The following KLK10 variants were observed in gnomAD, a reference collection of about 807,000 sequenced individuals.
KLK10 encodes the protein kallikrein related peptidase 10.
Under a neutral mutation model 25.7 loss-of-function variants are expected in KLK10, and 27 were observed. That is an observed-to-expected ratio of 1.05 (90% CI 0.77 to 1.45). The LOEUF is 1.45. Ranked by LOEUF, KLK10 falls within the 40% of genes most tolerant of loss-of-function variation. The pLI, the probability that KLK10 is intolerant of heterozygous loss-of-function variation, is 0.00. For synonymous variants in KLK10, 173 were observed against 160.1 expected (o/e 1.08, Z -0.61); for missense variants, 386 against 370.0 (o/e 1.04, Z -0.35).
Position 51,014,793 on chromosome 19 carries a change from A to G in KLK10, c.*7T>C. The G allele has an allele frequency of 6.3e-7, 1 of 1,575,954 alleles. No homozygotes were observed. Among genetic ancestry groups the G allele is most frequent in the South Asian group, 1.1e-5 (1 of 87,378 alleles). On this transcript the variant is annotated 3_prime_UTR_variant, in exon 6 of 6. Transcript: ENST00000358789. ...ACATCTGGATCAGCTGGAGCGTAGC[A>G]TCTGGATCAGTTGGAGCGTATGACT...
Position 51,019,108 on chromosome 19 carries a change from A to G in KLK10, c.23T>C (p.Leu8Pro), listed in dbSNP as rs777812284. 6.2e-7 allele frequency: 1 copy of G among 1,609,116 alleles called. No individual in the cohort carries two copies. Among genetic ancestry groups the G allele is most frequent in the Non-Finnish European group, 8.5e-7 (1 of 1,179,380 alleles). Residue 8 changes from leucine to proline, a missense_variant, in exon 2 of 6, where the codon CTC becomes CCC. Leu to Pro is a moderately conservative substitution (Grantham distance 98). Coordinates refer to ENST00000358789, the MANE Select transcript of KLK10 (RefSeq NM_145888.3). The surrounding 1 kb of genome is among the most constrained non-coding windows in gnomAD (Gnocchi z 4.2). ...AGCCCGGGCGCCAGAGGCGGCGGAG[A>G]GGTGGAGGTGCGGAGCTCTCATGGC... is the stretch of plus-strand genomic sequence containing the variant. The part of the protein sequence containing the change: MRAPHLH[L>P]SAASGARALA...
At position 51,014,826 on chromosome 19, in the gene KLK10, T is replaced by C; in HGVS notation, c.805A>G (p.Ile269Val). The C allele has an allele frequency of 6.2e-7, 1 of 1,614,086 alleles. No individual in the cohort carries two copies. Among genetic ancestry groups the C allele is most frequent in the African/African-American group, 1.3e-5 (1 of 75,022 alleles). ...YTQICKYMSW[I>V]NKVIRSN ...CAGTTGGAGCGTATGACTTTATTGA[T>C]CCAGGACATGTATTTGCAGATCTGG... Residue 269 changes from isoleucine (I) to valine (V), a missense_variant, in exon 6 of 6, where the codon ATC (isoleucine) becomes GTC (valine). By Grantham distance (29) the Ile-to-Val change is conservative. Transcript: ENST00000358789.
At position 51,017,306 on chromosome 19, in the gene KLK10, G is replaced by C. The variant is rs1471352545; in HGVS notation, c.89-16C>G. On this transcript the variant is annotated splice_polypyrimidine_tract_variant and intron_variant, in intron 2 of 5. Coordinates refer to ENST00000358789, the MANE Select transcript of KLK10 (RefSeq NM_145888.3). The stretch of plus-strand genomic sequence containing the variant: ...GCCTCTGCGGCTGGAGAAAGAAAGG[G>C]GACGGAATCAAAGCACGGAGGGCAG... 6.3e-7 allele frequency: 1 copy of C among 1,590,336 alleles called. No homozygotes were observed. Among genetic ancestry groups the C allele is most frequent in the Non-Finnish European group, 8.5e-7 (1 of 1,170,268 alleles).
Position 51,015,802 on chromosome 19 carries a change from C to G in KLK10, c.544+80G>C, listed in dbSNP as rs1269736369. 3.7e-6 allele frequency: 5 copies of G among 1,355,876 alleles called. No individual in the cohort carries two copies. The African/African-American group carries it at 7.3e-5, about 20-fold the overall frequency. 84.0% of individuals were successfully genotyped at this position (1,355,876 alleles called of 1,614,324 possible). On this transcript the variant is annotated intron_variant, in intron 4 of 5. Transcript: ENST00000358789. ...TCAGATCCAGGAATCCAGTCCCCAGCCCATCCTTCCTCAGACCCAGGGGTT... is the reference window on the plus strand; with the variant it reads ...TCAGATCCAGGAATCCAGTCCCCAGGCCATCCTTCCTCAGACCCAGGGGTT...
intron 4 of KLK10, 125 bp from the exon 5 acceptor site, chr19:51,015,675 G>A: frequency 1.6e-6 from 2 of 1,238,966 alleles, no homozygotes; most frequent in Non-Finnish European, 2.3e-6. Context: ...CAAGAATCCT[G>A]GCCCCAGCCC....
At chr19:51,017,472 A>G (rs2122454601) in intron 2 of KLK10, 182 bp from the exon 3 acceptor site, 1 of 615,236 alleles carries the variant, frequency 1.6e-6, no homozygotes, top group Non-Finnish European at 2.8e-6. Flanking sequence ...GAAGCGCGTG[A>G]AAGTGGAAGG....
chr19:51,019,114 A>C lies in KLK10; in HGVS notation c.17T>G (p.Leu6Arg). Residue 6 changes from leucine (L) to arginine (R), a missense_variant, in exon 2 of 6, where the codon CTC (leucine) becomes CGC (arginine). By Grantham distance (102) the Leu-to-Arg change is moderately radical. Coordinates refer to ENST00000358789, the MANE Select transcript of KLK10 (RefSeq NM_145888.3). The surrounding 1 kb of genome is among the most constrained non-coding windows in gnomAD (Gnocchi z 4.2). ...GGCGCCAGAGGCGGCGGAGAGGTGG[A>C]GGTGCGGAGCTCTCATGGCCAGGAT... MRAPH[L>R]HLSAASGARA... 6.2e-7 allele frequency: 1 copy of C among 1,609,158 alleles called. No homozygotes were observed. The highest frequency in any genetic ancestry group is 1.1e-5 in the South Asian group (1 of 90,766).
At chr19:51,015,711 G>A in intron 4 of KLK10, 161 bp from the exon 5 acceptor site, 2 of 1,069,982 alleles carry the variant, frequency 1.9e-6, no homozygotes, top group Non-Finnish European at 2.7e-6. Context: ...CAGGAGTCCA[G>A]GCCCCCAGCC....
At chr19:51,017,026 C>T (rs1472998062) in intron 3 of KLK10, 84 bp downstream of exon 3, 28 of 1,349,848 alleles carry the variant, frequency 2.1e-5, no homozygotes, top group Middle Eastern at 5.3e-4. Context: ...GTGGGAGTTC[C>T]GAGAGACCCC....
In KLK10 at chr19:51,014,652, A is replaced by T; in HGVS notation, c.*148T>A. The T allele has an allele frequency of 1.5e-6, 1 of 683,062 alleles. No homozygotes were observed. Among genetic ancestry groups the T allele is most frequent in the Non-Finnish European group, 2.5e-6 (1 of 397,096 alleles). The allele number at this position is 683,062 out of a possible 1,614,324, so 42.3% of individuals were successfully genotyped here. A position where few individuals can be genotyped will look rare whatever the true frequency, so the allele number is the denominator to read the frequency against. ...GAATGAGGTGAGAGGGGAGATGTTT[A>T]GAGGTGTGGAGGGCGGCAGAGGTTT... is the stretch of plus-strand genomic sequence containing the variant. On this transcript the variant is annotated 3_prime_UTR_variant, in exon 6 of 6. Transcript: ENST00000358789.
rs139021297 is a variant in KLK10 at position 51,015,432 on chromosome 19, G to T, written c.663C>A (p.Gly221=). Reference sequence around the variant, plus strand: ...CAGACCCTACCTGGCAAGGGTCCTGGCCCCGGTCCAGTCCAGCACATATCA... The same window carrying T: ...CAGACCCTACCTGGCAAGGGTCCTGTCCCCGGTCCAGTCCAGCACATATCA... ...NNMICAGLDR[G]QDPCQSDSGG... Residue 221 remains glycine (G), a synonymous_variant, in exon 5 of 6, where the codon GGC becomes GGA. Coordinates refer to ENST00000358789, the MANE Select transcript of KLK10 (RefSeq NM_145888.3). 1 of 1,613,568 alleles carries T rather than the reference G, an allele frequency of 6.2e-7. No individual in the cohort carries two copies. Among genetic ancestry groups the T allele is most frequent in the Non-Finnish European group, 8.5e-7 (1 of 1,179,792 alleles).
rs2091287006 is a variant in KLK10 at position 51,013,396 on chromosome 19, A to G, written c.*1404T>C. On this transcript the variant is annotated 3_prime_UTR_variant, in exon 6 of 6. Coordinates refer to ENST00000358789, the MANE Select transcript of KLK10 (RefSeq NM_145888.3). ...TTCAGCTAGCTTATGTTACTGCTTCAAAGTTCAGGATAAGCTGAGACACTC... is the reference window on the plus strand; with the variant it reads ...TTCAGCTAGCTTATGTTACTGCTTCGAAGTTCAGGATAAGCTGAGACACTC... The G allele has an allele frequency of 6.6e-6, 1 of 152,208 alleles. No individual in the cohort carries two copies. The highest frequency in any genetic ancestry group is 1.5e-5 in the Non-Finnish European group (1 of 68,036). 9.4% of individuals were successfully genotyped at this position (152,208 alleles called of 1,614,324 possible). A position where few individuals can be genotyped will look rare whatever the true frequency, so the allele number is the denominator to read the frequency against.
At chr19:51,017,724 C>T (rs1472396556) in intron 2 of KLK10, among the ~76,000 whole-genome samples, 6 of 151,888 alleles carry the variant, frequency 4.0e-5, no homozygotes, top group African/African-American at 1.5e-4. Flanking sequence ...TGGTTTACGC[C>T]TGTAATCCCA....
At chr19:51,017,615 G>A (rs989091491) in intron 2 of KLK10, among the ~76,000 whole-genome samples, 3 of 151,886 alleles carry the variant, frequency 2.0e-5, no homozygotes, top group African/African-American at 7.3e-5. Context: ...TGAACGCGGC[G>A]GGGAGGTAAG....
intron 3 of KLK10, 83 bp downstream of exon 3, chr19:51,017,027 G>A (rs752458110): frequency 9.6e-6 from 13 of 1,354,340 alleles, no homozygotes; most frequent in Non-Finnish European, 1.3e-5. Flanking sequence ...TGGGAGTTCC[G>A]AGAGACCCCG....
rs1280043977 is a variant in KLK10 at position 51,012,951 on chromosome 19, G to T, written c.*1849C>A. ...CCTAACTAGCAGCTCCTTGAGGGTA[G>T]TGCCTGGTCTGATTCATCTTTGAGG... On this transcript the variant is annotated 3_prime_UTR_variant, in exon 6 of 6. Transcript: ENST00000358789. The T allele has an allele frequency of 1.3e-5, 2 of 152,184 alleles. No individual in the cohort carries two copies. The highest frequency in any genetic ancestry group is 2.9e-5 in the Non-Finnish European group (2 of 68,038). The allele number at this position is 152,184 out of a possible 1,614,324, so 9.4% of individuals were successfully genotyped here. A position where few individuals can be genotyped will look rare whatever the true frequency, so the allele number is the denominator to read the frequency against.
rs1473811126 is a variant in KLK10 at position 51,013,387 on chromosome 19, T to A, written c.*1413A>T. 1 of 152,254 alleles carries A rather than the reference T, an allele frequency of 6.6e-6. No individual in the cohort carries two copies. Among genetic ancestry groups the A allele is most frequent in the Non-Finnish European group, 1.5e-5 (1 of 68,048 alleles). 9.4% of individuals were successfully genotyped at this position (152,254 alleles called of 1,614,324 possible). ...GTGCCTATATTCAGCTAGCTTATGT[T>A]ACTGCTTCAAAGTTCAGGATAAGCT... On this transcript the variant is annotated 3_prime_UTR_variant, in exon 6 of 6. Transcript: ENST00000358789.
chr19:51,018,876 A>G (rs2122477758), intron 2 of KLK10, 167 bp downstream of exon 2: 1 of 615,598 alleles, frequency 1.6e-6, no homozygotes, highest in Admixed American at 2.7e-5. Flanking sequence ...GGGCCGAGCC[A>G]GAAGAAGGGC....
In KLK10 at chr19:51,015,397, T is replaced by C; in HGVS notation, c.678+20A>G. 1 of 1,607,232 alleles carries C rather than the reference T, an allele frequency of 6.2e-7. No individual in the cohort carries two copies. The highest frequency in any genetic ancestry group is 1.3e-5 in the African/African-American group (1 of 74,724). ...GTCCTCCCTCCCAGGAGTCAGAGAC[T>C]CTCCCTGTTCAGACCCTACCTGGCA... On this transcript the variant is annotated intron_variant, in intron 5 of 5. Coordinates refer to ENST00000358789, the MANE Select transcript of KLK10 (RefSeq NM_145888.3).
Sources: allele counts gnomAD v4.1 joint callset (sites outside exome capture counted in the v4.1 genomes callset), GRCh38; gene constraint gnomAD v4.1.1; non-coding constraint Gnocchi (gnomAD v3.1); transcripts MANE v1.5; gene names NCBI Gene and HGNC (gene_info 2026-07-23, HGNC 2026-07-21).